Variants in GDF6 observed in about 807,000 individuals in gnomAD.
GDF6 encodes growth/differentiation factor 6.
A neutral mutation model predicts 32.4 loss-of-function variants in GDF6; 3 were observed. The observed-to-expected ratio is 0.09, with a 90% CI of 0.04 to 0.24. The LOEUF (loss-of-function observed/expected upper bound fraction) is 0.24, where lower values mean the gene tolerates loss of function less well. Among genes scored for constraint, GDF6 ranks in the 10% least tolerant of loss-of-function variants. The pLI is 1.00. For missense variants in GDF6, 589 were observed against 637.9 expected, an observed-to-expected ratio of 0.92 and a Z score of 0.83; for synonymous variants, 296 against 295.3, an observed-to-expected ratio of 1.00 and a Z score of -0.03.
chr8:96,160,795 G>T lies in GDF6; in HGVS notation c.-103C>A. 1 of 1,120,234 alleles carries T rather than the reference G, an allele frequency of 8.9e-7. No individual in the cohort carries two copies. The highest frequency in any genetic ancestry group is 1.3e-6 in the Non-Finnish European group (1 of 794,162). 69.4% of individuals were successfully genotyped at this position (1,120,234 alleles called of 1,614,324 possible). On this transcript the variant is annotated 5_prime_UTR_variant, in exon 1 of 2. Coordinates refer to ENST00000287020, the MANE Select transcript of GDF6 (RefSeq NM_001001557.4). The stretch of plus-strand genomic sequence containing the variant: ...CGGCCGGGGCCCGGCTCCTCGGGCG[G>T]ACTCGGAGTGCGAGGAGCCGGGTCC...
intron 1 of GDF6, among the ~76,000 whole-genome samples, chr8:96,156,871 C>G (rs1445154401): frequency 1.3e-5 from 2 of 152,182 alleles, no homozygotes; most frequent in African/African-American, 4.8e-5. Context: ...ACTTCTGCTT[C>G]TTGTCATCAT....
At chr8:96,158,895 C>T (rs1812714183) in intron 1 of GDF6, among the ~76,000 whole-genome samples, 1 of 152,136 alleles carries the variant, frequency 6.6e-6, no homozygotes, top group Non-Finnish European at 1.5e-5. Context: ...AGCTCATGAA[C>T]CTCGCTGACC....
Position 96,144,731 on chromosome 8 carries a change from G to A in GDF6, c.1200C>T (p.His400=), listed in dbSNP as rs1812440860. The change falls in exon 2 of 2, where the codon CAC becomes CAT. Residue 400 remains histidine (H), a synonymous_variant. Transcript: ENST00000287020. This position sits in a 1 kb window ranked among gnomAD's most constrained non-coding sequence, Gnocchi z 5.1. ...AGTTCATCAGCGTCTGGATGATGGCGTGGTTGGTGGGCTCCAGGTGCGAGC... is the reference window on the plus strand; with the variant it reads ...AGTTCATCAGCGTCTGGATGATGGCATGGTTGGTGGGCTCCAGGTGCGAGC... ...PLRSHLEPTN[H]AIIQTLMNSM... 3 of 1,614,078 alleles carry A rather than the reference G, an allele frequency of 1.9e-6. No individual in the cohort carries two copies. Among genetic ancestry groups the A allele is most frequent in the Middle Eastern group, 1.6e-4 (1 of 6,084 alleles).
intron 1 of GDF6, among the ~76,000 whole-genome samples, chr8:96,151,661 T>G (rs1013976086): frequency 1.3e-5 from 2 of 152,082 alleles, no homozygotes; most frequent in Non-Finnish European, 2.9e-5. Flanking sequence ...GAAAGAGAAT[T>G]TAGGAGGAAA....
chr8:96,147,955 C>G (rs1812511091), intron 1 of GDF6, among the ~76,000 whole-genome samples: 1 of 152,152 alleles, frequency 6.6e-6, no homozygotes, highest in Non-Finnish European at 1.5e-5. Flanking sequence ...TTACTTCTCT[C>G]TCATGCAATA....
In GDF6 at chr8:96,145,225, C is replaced by A. The variant is rs933957352; in HGVS notation, c.706G>T (p.Ala236Ser). ...TCCCCGGCGTCCAGCTCGCCCCATG[C>A]GGCCCGCAGCTCCAAGCACAGCTGC... ...WKQLCLELRA[A>S]WGELDAGEAE... is the part of the protein sequence containing the mutation. Residue 236 changes from alanine (A) to serine (S), a missense_variant, in exon 2 of 2, where the codon GCA becomes TCA. Around this residue, in one of 2 missense-constraint regions of GDF6, gnomAD observed 436 missense variants for 411.2 expected, o/e 1.06. Coordinates refer to ENST00000287020, the MANE Select transcript of GDF6 (RefSeq NM_001001557.4). This position sits in a 1 kb window ranked among gnomAD's most constrained non-coding sequence, Gnocchi z 5.6. The A allele has an allele frequency of 2.8e-5, 42 of 1,511,402 alleles. No individual in the cohort carries two copies. The highest frequency in any genetic ancestry group is 3.5e-5 in the Non-Finnish European group (40 of 1,137,408). The allele number at this position is 1,511,402 out of a possible 1,614,324, so 93.6% of individuals were successfully genotyped here. A position where few individuals can be genotyped will look rare whatever the true frequency, so the allele number is the denominator to read the frequency against.
rs1464830140 is a variant in GDF6, at chr8:96,144,463, A to G, written c.*100T>C. The stretch of plus-strand genomic sequence containing the variant: ...TGTTCCCTCACCCTCAGCCTCCCCC[A>G]GCGCCAGCTTCCTCCTCCGCCTCTC... On this transcript the variant is annotated 3_prime_UTR_variant, in exon 2 of 2. Coordinates refer to ENST00000287020, the MANE Select transcript of GDF6 (RefSeq NM_001001557.4). This position sits in a 1 kb window ranked among gnomAD's most constrained non-coding sequence, Gnocchi z 5.1. The G allele has an allele frequency of 6.9e-7, 1 of 1,446,012 alleles. No homozygotes were observed. Among genetic ancestry groups the G allele is most frequent in the East Asian group, 2.4e-5 (1 of 40,842 alleles). 89.6% of individuals were successfully genotyped at this position (1,446,012 alleles called of 1,614,324 possible). A position where few individuals can be genotyped will look rare whatever the true frequency, so the allele number is the denominator to read the frequency against.
At position 96,144,917 on chromosome 8, in the gene GDF6, G is replaced by A. The variant is rs1474559057; in HGVS notation, c.1014C>T (p.Phe338=). The change falls in exon 2 of 2, where the codon TTC becomes TTT. Residue 338 remains phenylalanine (F), a synonymous_variant. Coordinates refer to ENST00000287020, the MANE Select transcript of GDF6 (RefSeq NM_001001557.4). This position sits in a 1 kb window ranked among gnomAD's most constrained non-coding sequence, Gnocchi z 5.1. ...SPGRRRRRTA[F]ASRHGKRHGK... is the part of the protein sequence containing the mutation. Reference sequence around the variant, plus strand: ...CGTGCCGCTTGCCATGGCGACTGGCGAAGGCCGTGCGCCGCCGCCGGCGGC... The same window carrying A: ...CGTGCCGCTTGCCATGGCGACTGGCAAAGGCCGTGCGCCGCCGCCGGCGGC... The A allele has an allele frequency of 2.5e-6, 4 of 1,607,964 alleles. No individual in the cohort carries two copies. Among genetic ancestry groups the A allele is most frequent in the Non-Finnish European group, 3.4e-6 (4 of 1,177,666 alleles).
rs768532556 is a variant in GDF6, at chr8:96,145,029, T to C, written c.902A>G (p.Glu301Gly). 7 of 1,432,672 alleles carry C rather than the reference T, an allele frequency of 4.9e-6. No individual in the cohort carries two copies. In the Middle Eastern group the frequency reaches 1.1e-3, roughly 233 times the overall value. 88.7% of individuals were successfully genotyped at this position (1,432,672 alleles called of 1,614,324 possible). A position where few individuals can be genotyped will look rare whatever the true frequency, so the allele number is the denominator to read the frequency against. Residue 301 changes from glutamate (E) to glycine (G), a missense_variant, in exon 2 of 2, where the codon GAG becomes GGG. Glu to Gly is a moderately conservative substitution (Grantham distance 98). Transcript: ENST00000287020. The surrounding 1 kb of genome is among the most constrained non-coding windows in gnomAD (Gnocchi z 5.6). ...AEMREQLGSA[E>G]AAGPGAGAEG... is the part of the protein sequence containing the mutation. Reference sequence around the variant, plus strand: ...GGCGCCCGCGCCCGGGCCCGCAGCCTCGGCCGAGCCCAGCTGCTCGCGCAT... The same window carrying C: ...GGCGCCCGCGCCCGGGCCCGCAGCCCCGGCCGAGCCCAGCTGCTCGCGCAT...
chr8:96,144,461 C>T lies in GDF6; in HGVS notation c.*102G>A. 2.1e-6 allele frequency: 3 copies of T among 1,440,112 alleles called. No homozygotes were observed. Among genetic ancestry groups the T allele is most frequent in the Middle Eastern group, 2.1e-4 (1 of 4,736 alleles). The allele number at this position is 1,440,112 out of a possible 1,614,324, so 89.2% of individuals were successfully genotyped here. A position where few individuals can be genotyped will look rare whatever the true frequency, so the allele number is the denominator to read the frequency against. On this transcript the variant is annotated 3_prime_UTR_variant, in exon 2 of 2. Coordinates refer to ENST00000287020, the MANE Select transcript of GDF6 (RefSeq NM_001001557.4). This position sits in a 1 kb window ranked among gnomAD's most constrained non-coding sequence, Gnocchi z 5.1. ...GCTGTTCCCTCACCCTCAGCCTCCC[C>T]CAGCGCCAGCTTCCTCCTCCGCCTC...
At position 96,144,892 on chromosome 8, in the gene GDF6, C is replaced by T; in HGVS notation, c.1039G>A (p.Gly347Ser). Reference sequence around the variant, plus strand: ...CTGCAGCGTAGCCTGGACTTCTTGCCGTGCCGCTTGCCATGGCGACTGGCG... The same window carrying T: ...CTGCAGCGTAGCCTGGACTTCTTGCTGTGCCGCTTGCCATGGCGACTGGCG... ...AFASRHGKRH[G>S]KKSRLRCSKK... Residue 347 changes from glycine (G) to serine (S), a missense_variant, in exon 2 of 2, where the codon GGC (glycine) becomes AGC (serine). By Grantham distance (56) the Gly-to-Ser change is moderately conservative. Around this residue, in one of 2 missense-constraint regions of GDF6, gnomAD observed 153 missense variants for 226.7 expected, o/e 0.67. Coordinates refer to ENST00000287020, the MANE Select transcript of GDF6 (RefSeq NM_001001557.4). The surrounding 1 kb of genome is among the most constrained non-coding windows in gnomAD (Gnocchi z 5.1). 2 of 1,613,130 alleles carry T rather than the reference C, an allele frequency of 1.2e-6. No individual in the cohort carries two copies. The highest frequency in any genetic ancestry group is 1.7e-6 in the Non-Finnish European group (2 of 1,179,656).
chr8:96,152,949 G>A (rs1812592768), intron 1 of GDF6, among the ~76,000 whole-genome samples: 1 of 152,208 alleles, frequency 6.6e-6, no homozygotes, highest in African/African-American at 2.4e-5. Flanking sequence ...GGCACAGCAA[G>A]CTGCGGCTCA....
At chr8:96,153,999 G>C (rs1812615834) in intron 1 of GDF6, among the ~76,000 whole-genome samples, 1 of 152,198 alleles carries the variant, frequency 6.6e-6, no homozygotes, top group African/African-American at 2.4e-5. Context: ...CGGAGCGGCA[G>C]TGGGCTGGGA....
chr8:96,157,165 A>C (rs1372722903), intron 1 of GDF6, among the ~76,000 whole-genome samples: 2 of 152,170 alleles, frequency 1.3e-5, no homozygotes, highest in African/African-American at 4.8e-5. Flanking sequence ...TATTACTCCT[A>C]GGTGTCTGGA....
chr8:96,146,703 C>CAG (rs201295376), intron 1 of GDF6, among the ~76,000 whole-genome samples: 47,035 of 133,312 alleles, frequency 0.35, 8,744 homozygotes, highest in Non-Finnish European at 0.46. Flanking sequence ...CACACACACA[C>CAG]ACACAGAGAG....
chr8:96,157,935 G>A (rs1288036503), intron 1 of GDF6, among the ~76,000 whole-genome samples: 1 of 152,182 alleles, frequency 6.6e-6, no homozygotes, highest in Non-Finnish European at 1.5e-5. Flanking sequence ...AGCTGGGGCT[G>A]CAGCCAGCAA....
In GDF6 at chr8:96,144,418, A is replaced by T. The variant is rs983777273; in HGVS notation, c.*145T>A. 4.8e-5 allele frequency: 45 copies of T among 932,226 alleles called. 1 individual carries two copies. Among genetic ancestry groups the T allele is most frequent in the South Asian group, 4.4e-4 (26 of 59,484 alleles). The allele number at this position is 932,226 out of a possible 1,614,324, so 57.7% of individuals were successfully genotyped here. A position where few individuals can be genotyped will look rare whatever the true frequency, so the allele number is the denominator to read the frequency against. The stretch of plus-strand genomic sequence containing the variant: ...GGAAGGCTGCGCTCCCTTCTCTCCC[A>T]CCGGCTCTCACATCCAGGCTGTTCC... On this transcript the variant is annotated 3_prime_UTR_variant, in exon 2 of 2. Coordinates refer to ENST00000287020, the MANE Select transcript of GDF6 (RefSeq NM_001001557.4). The surrounding 1 kb of genome is among the most constrained non-coding windows in gnomAD (Gnocchi z 5.1).
intron 1 of GDF6, among the ~76,000 whole-genome samples, chr8:96,155,818 T>C (rs1812651732): frequency 6.6e-6 from 1 of 152,196 alleles, no homozygotes. Flanking sequence ...CTGCTTATAT[T>C]TCATTTTCGG....
At chr8:96,160,176 G>A in intron 1 of GDF6, 111 bp downstream of exon 1, 2 of 1,079,056 alleles carry the variant, frequency 1.9e-6, no homozygotes, top group Admixed American at 1.7e-5. Context: ...AAAGTAAAAA[G>A]GAAGTGTCCA....
Sources: allele counts gnomAD v4.1 joint callset (sites outside exome capture counted in the v4.1 genomes callset), GRCh38; gene constraint gnomAD v4.1.1; regional missense constraint gnomAD v4.1.1; non-coding constraint Gnocchi (gnomAD v3.1); transcripts MANE v1.5; gene names NCBI Gene and HGNC (gene_info 2026-07-23, HGNC 2026-07-21).